The following DSCAM variants were observed in gnomAD, a reference collection of about 807,000 sequenced individuals.
DSCAM encodes DS cell adhesion molecule.
In DSCAM, 47 loss-of-function variants were observed where a neutral mutation model predicts 217.7. The observed-to-expected ratio is 0.22, with a 90% CI of 0.17 to 0.28. The LOEUF is 0.28. Among genes scored for constraint, DSCAM ranks in the 10% least tolerant of loss-of-function variants. DSCAM has a pLI of 1.00. For missense variants in DSCAM, 2,080 were observed against 2,618.3 expected, an observed-to-expected ratio of 0.79 and a Z score of 4.49; for synonymous variants, 1,056 against 1,015.3, an observed-to-expected ratio of 1.04 and a Z score of -0.76.
intron 11 of DSCAM, among the ~76,000 whole-genome samples, chr21:40,231,843 C>T (rs891029028): frequency 1.3e-5 from 2 of 152,178 alleles, no homozygotes; most frequent in Non-Finnish European, 2.9e-5. Flanking sequence ...TGATGGCCTA[C>T]AAGCTCTTCA....
At chr21:40,494,883 A>G (rs892626922) in intron 3 of DSCAM, among the ~76,000 whole-genome samples, 8 of 151,996 alleles carry the variant, frequency 5.3e-5, no homozygotes, top group Non-Finnish European at 1.0e-4. Context: ...AAAAAAGAAG[A>G]CAAAATCAGA....
At chr21:40,457,201 G>C (rs2075770788) in intron 3 of DSCAM, among the ~76,000 whole-genome samples, 1 of 152,154 alleles carries the variant, frequency 6.6e-6, no homozygotes, top group Non-Finnish European at 1.5e-5. Flanking sequence ...GTGGGAAGTT[G>C]ACACTGTATT....
chr21:40,054,322 C>T (rs915169825), intron 29 of DSCAM, among the ~76,000 whole-genome samples: 2 of 152,188 alleles, frequency 1.3e-5, no homozygotes, highest in African/African-American at 4.8e-5. Flanking sequence ...TGATCAAGAG[C>T]CACTTTGCAC....
chr21:40,454,253 G>T (rs1489212431), intron 3 of DSCAM, among the ~76,000 whole-genome samples: 1 of 152,154 alleles, frequency 6.6e-6, no homozygotes, highest in Non-Finnish European at 1.5e-5. Context: ...AACAATGAAG[G>T]TGTCAGAAAC....
At chr21:40,484,594 T>TA (rs1280113812) in intron 3 of DSCAM, among the ~76,000 whole-genome samples, 1 of 148,058 alleles carries the variant, frequency 6.8e-6, no homozygotes, top group Non-Finnish European at 1.5e-5. Context: ...TTTTATCACC[T>TA]AAAAAAGAAA....
intron 10 of DSCAM, among the ~76,000 whole-genome samples, chr21:40,286,918 A>C (rs2073834092): frequency 6.6e-6 from 1 of 151,888 alleles, no homozygotes; most frequent in Admixed American, 6.6e-5. Flanking sequence ...CATGATCTGC[A>C]GTATGATCCA....
chr21:40,378,611 A>T (rs2123722561), intron 3 of DSCAM, among the ~76,000 whole-genome samples: 4 of 78,784 alleles, frequency 5.1e-5, no homozygotes, highest in South Asian at 5.0e-4. Flanking sequence ...TTTTTTTTTG[A>T]GACGGAGTCT....
intron 8 of DSCAM, 90 bp from the exon 9 acceptor site, chr21:40,312,449 C>T (rs1438138767): frequency 2.8e-6 from 4 of 1,423,852 alleles, no homozygotes; most frequent in East Asian, 5.0e-5. Flanking sequence ...AAGGGTAGTA[C>T]AGACGATCAT....
At chr21:40,264,297 C>T (rs191182597) in intron 11 of DSCAM, among the ~76,000 whole-genome samples, 3 of 152,244 alleles carry the variant, frequency 2.0e-5, no homozygotes, top group Admixed American at 6.5e-5. Context: ...TGCAAAAATT[C>T]TCAACACAAT....
intron 3 of DSCAM, among the ~76,000 whole-genome samples, chr21:40,597,882 C>T (rs999091218): frequency 6.6e-6 from 1 of 152,096 alleles, no homozygotes; most frequent in Non-Finnish European, 1.5e-5. Flanking sequence ...ATGCACTGTC[C>T]CCTGCCACTC....
chr21:40,051,584 A>G (rs1014543613), intron 30 of DSCAM, among the ~76,000 whole-genome samples: 9 of 152,194 alleles, frequency 5.9e-5, no homozygotes, highest in Non-Finnish European at 1.2e-4. Flanking sequence ...ACGAGTAGGT[A>G]TCTTACAGGA....
chr21:40,103,246 A>T (rs1279477392), intron 20 of DSCAM, among the ~76,000 whole-genome samples: 1 of 152,122 alleles, frequency 6.6e-6, no homozygotes, highest in African/African-American at 2.4e-5. Context: ...TGATGTTTTA[A>T]AAAGCTCTGA....
At chr21:40,622,558 TATA>T (rs2089535643) in intron 3 of DSCAM, among the ~76,000 whole-genome samples, 1 of 152,206 alleles carries the variant, frequency 6.6e-6, no homozygotes, top group Admixed American at 6.5e-5. Context: ...TTCAACTGTT[TATA>T]ATGTTTTCCT....
rs372064924 is a variant in DSCAM at position 40,353,486 on chromosome 21, T to C, written c.913A>G (p.Ile305Val). ...TTACGTTTCACGTACAGGCGGCCTA[T>C]CACCTTAGCAGTTCCGTATCTGTTG... ...VSNRYGTAKV[I>V]GRLYVKQPLK... The change falls in exon 5 of 33, where the codon ATA becomes GTA. Residue 305 changes from isoleucine (I) to valine (V), a missense_variant. This residue lies in a region of DSCAM where 568 missense variants were observed against 678.1 expected (regional missense o/e 0.84). Transcript: ENST00000400454. 1.2e-6 allele frequency: 2 copies of C among 1,607,618 alleles called. No individual in the cohort carries two copies. The highest frequency in any genetic ancestry group is 1.7e-6 in the Non-Finnish European group (2 of 1,178,248).
At chr21:40,079,844 G>A (rs186145235) in intron 25 of DSCAM, among the ~76,000 whole-genome samples, 17 of 152,268 alleles carry the variant, frequency 1.1e-4, no homozygotes, top group African/African-American at 2.9e-4. Flanking sequence ...GCCTCCAAAC[G>A]GCTGAGAGGG....
intron 3 of DSCAM, among the ~76,000 whole-genome samples, chr21:40,580,547 A>G (rs1391257518): frequency 6.6e-6 from 1 of 152,072 alleles, no homozygotes; most frequent in Non-Finnish European, 1.5e-5. Flanking sequence ...TCAAAAAAAA[A>G]CAAAACAGAC....
At chr21:40,819,949 A>C (rs886927615) in intron 1 of DSCAM, among the ~76,000 whole-genome samples, 10 of 152,182 alleles carry the variant, frequency 6.6e-5, no homozygotes, top group Non-Finnish European at 8.8e-5. Flanking sequence ...GGATATCATC[A>C]TCAGGAATGG....
intron 3 of DSCAM, among the ~76,000 whole-genome samples, chr21:40,409,406 C>G (rs1432587672): frequency 6.6e-6 from 1 of 152,192 alleles, no homozygotes; most frequent in Non-Finnish European, 1.5e-5. Flanking sequence ...GAAATCTCTG[C>G]TTTTCCAGAG....
intron 3 of DSCAM, among the ~76,000 whole-genome samples, chr21:40,493,047 A>G (rs900539476): frequency 1.3e-5 from 2 of 152,202 alleles, no homozygotes; most frequent in Admixed American, 1.3e-4. Context: ...TCCTCAGAAG[A>G]AACCTTACAA....
Sources: gnomAD v4.1 joint callset for allele counts (sites outside exome capture counted in the v4.1 genomes callset) on GRCh38, gnomAD v4.1.1 for gene constraint, gnomAD v4.1.1 regional missense constraint, MANE v1.5 for transcripts, NCBI Gene and HGNC (gene_info 2026-07-23, HGNC 2026-07-21) for gene names.